EPB41L4A: variants seen among roughly 807,000 people sequenced by gnomAD.
EPB41L4A encodes band 4.1-like protein 4A.
A neutral mutation model predicts 108.6 loss-of-function variants in EPB41L4A; 100 were observed. That is an observed-to-expected ratio of 0.92 (90% CI 0.78 to 1.09). The LOEUF is 1.09. Ranked by LOEUF, EPB41L4A falls within the 50% of genes least tolerant of loss-of-function variation. EPB41L4A has a pLI of 0.00. For synonymous variants in EPB41L4A, 319 were observed against 289.0 expected, an observed-to-expected ratio of 1.10 and a Z score of -1.05; for missense variants, 1,030 against 842.7, an observed-to-expected ratio of 1.22 and a Z score of -2.75.
chr5:112,214,642 T>G (rs1023497061), intron 12 of EPB41L4A, among the ~76,000 whole-genome samples: 1 of 152,150 alleles, frequency 6.6e-6, no homozygotes, highest in Non-Finnish European at 1.5e-5. Context: ...GGTGGGCACC[T>G]GTAGTCCCAG....
intron 1 of EPB41L4A, among the ~76,000 whole-genome samples, chr5:112,385,149 G>A (rs988757024): frequency 3.9e-5 from 6 of 152,180 alleles, no homozygotes; most frequent in Non-Finnish European, 7.3e-5. Flanking sequence ...GCCTGACAAT[G>A]TGACCCCGAT....
At chr5:112,154,350 T>C (rs1011347840) in intron 12 of EPB41L4A, among the ~76,000 whole-genome samples, 1 of 152,242 alleles carries the variant, frequency 6.6e-6, no homozygotes, top group Non-Finnish European at 1.5e-5. Flanking sequence ...TTCCCACTAC[T>C]TATAAATGTA....
intron 12 of EPB41L4A, among the ~76,000 whole-genome samples, chr5:112,156,126 CA>C (rs1759637965): frequency 6.6e-6 from 1 of 151,790 alleles, no homozygotes; most frequent in African/African-American, 2.4e-5. Context: ...AAAAAGAACC[CA>C]TATGTTCATC....
At chr5:112,352,523 A>G (rs1244741804) in intron 1 of EPB41L4A, among the ~76,000 whole-genome samples, 1 of 152,210 alleles carries the variant, frequency 6.6e-6, no homozygotes, top group East Asian at 1.9e-4. Flanking sequence ...TTTGTTCAGG[A>G]TAGACTATAT....
rs1385431054 is a variant in EPB41L4A, at chr5:112,163,154, C to T, written c.*1836G>A. The T allele has an allele frequency of 2.6e-5, 4 of 152,068 alleles. No individual in the cohort carries two copies. Among genetic ancestry groups the T allele is most frequent in the Admixed American group, 2.0e-4 (3 of 15,262 alleles). The allele number at this position is 152,068 out of a possible 1,614,324, so 9.4% of individuals were successfully genotyped here. ...GCTTATTGTTGTCTAGACAAGAGAC[C>T]AGCTTGGACTAGTAAAATTAGTGAA... On this transcript the variant is annotated 3_prime_UTR_variant, in exon 23 of 23. Transcript: ENST00000261486.
Position 112,195,658 on chromosome 5 carries a change from T to A in EPB41L4A, c.1424+3A>T, listed in dbSNP as rs754625424. Reference sequence around the variant, plus strand: ...GACTGTCCTTCCATTTTTGTTTTTTTACCTCCTCCTTTGCTTAAGATCTGA... The same window carrying A: ...GACTGTCCTTCCATTTTTGTTTTTTAACCTCCTCCTTTGCTTAAGATCTGA... On this transcript the variant is annotated splice_donor_region_variant and intron_variant, in intron 16 of 22. Transcript: ENST00000261486. 9 of 1,613,110 alleles carry A rather than the reference T, an allele frequency of 5.6e-6. No homozygotes were observed. The South Asian group carries it at 9.9e-5, about 18-fold the overall frequency.
intron 1 of EPB41L4A, among the ~76,000 whole-genome samples, chr5:112,399,198 G>T (rs913489676): frequency 2.0e-5 from 3 of 151,384 alleles, no homozygotes; most frequent in Non-Finnish European, 4.4e-5. Flanking sequence ...GCCACACTGG[G>T]TTCTTTCTGT....
intron 1 of EPB41L4A, among the ~76,000 whole-genome samples, chr5:112,417,559 T>C (rs1351744902): frequency 6.6e-6 from 1 of 152,232 alleles, no homozygotes; most frequent in Non-Finnish European, 1.5e-5. Flanking sequence ...TAAGTTACAA[T>C]ATTTTCCTGA....
chr5:112,220,056 TC>T (rs1747939842), intron 12 of EPB41L4A, among the ~76,000 whole-genome samples: 1 of 152,340 alleles, frequency 6.6e-6, no homozygotes, highest in Admixed American at 6.5e-5. Context: ...ATTACATGTA[TC>T]AAATCTATTT....
intron 17 of EPB41L4A, among the ~76,000 whole-genome samples, chr5:112,193,414 G>C (rs1761805124): frequency 9.2e-5 from 14 of 152,076 alleles, no homozygotes; most frequent in Admixed American, 9.2e-4. Context: ...CGATTCTCCT[G>C]CCTCTGCCTC....
chr5:112,175,482 T>C (rs1477846259), intron 18 of EPB41L4A: 2 of 152,216 alleles, frequency 1.3e-5, no homozygotes, highest in African/African-American at 4.8e-5. Context: ...AATAATGAAT[T>C]GATTTTCTAG....
rs538119331 is a variant in EPB41L4A at position 112,187,062 on chromosome 5, A to G, written c.1503-2927T>C. ...TTTTAATCTCGATGTATAGATTTACATCATGAAGAATAAAATACCACAAAC... is the reference window on the plus strand; with the variant it reads ...TTTTAATCTCGATGTATAGATTTACGTCATGAAGAATAAAATACCACAAAC... On this transcript the variant is annotated intron_variant, in intron 17 of 22. Coordinates refer to ENST00000261486, the MANE Select transcript of EPB41L4A (RefSeq NM_022140.5). 2.6e-5 allele frequency among the ~76,000 whole-genome samples: 4 copies of G among 152,360 alleles called. No homozygotes were observed. The South Asian group carries it at 8.3e-4, about 32-fold the overall frequency.
chr5:112,305,599 T>C lies in EPB41L4A; in HGVS notation c.204+1787A>G, dbSNP rs139981662. ...GCTTCTAATATACTTTTGATAAAAC[T>C]GTTACCAAGATGAAGTACAAAATTT... On this transcript the variant is annotated intron_variant, in intron 2 of 22. Transcript: ENST00000261486. 7.1e-3 allele frequency among the ~76,000 whole-genome samples: 1,082 copies of C among 152,290 alleles called. 7 individuals are homozygous for C. The highest frequency in any genetic ancestry group is 0.025 in the African/African-American group (1,039 of 41,562).
At chr5:112,409,394 A>T (rs1580854560) in intron 1 of EPB41L4A, among the ~76,000 whole-genome samples, 1 of 152,182 alleles carries the variant, frequency 6.6e-6, no homozygotes, top group African/African-American at 2.4e-5. Flanking sequence ...CGAAAATCTT[A>T]TAAAATTGAT....
At position 112,264,885 on chromosome 5, in the gene EPB41L4A, A is replaced by C. The variant is rs750239537; in HGVS notation, c.554+11T>G. ...GGATGATGCAATAAGACATGGTGTA[A>C]TGATTCTTACATTAGAGTTTTATGA... On this transcript the variant is annotated intron_variant, in intron 6 of 22. Transcript: ENST00000261486. 5.6e-6 allele frequency: 9 copies of C among 1,606,828 alleles called. No individual in the cohort carries two copies. Among genetic ancestry groups the C allele is most frequent in the Non-Finnish European group, 7.6e-6 (9 of 1,178,108 alleles).
intron 1 of EPB41L4A, among the ~76,000 whole-genome samples, chr5:112,348,551 G>C (rs777288852): frequency 7.1e-4 from 108 of 152,302 alleles, no homozygotes; most frequent in Non-Finnish European, 1.2e-3. Context: ...TCACACTGCA[G>C]GGGAAGGGGA....
intron 16 of EPB41L4A, 42 bp downstream of exon 16, chr5:112,195,619 C>T (rs1056047753): frequency 6.6e-7 from 1 of 1,522,096 alleles, no homozygotes. Flanking sequence ...AATCTGCTAA[C>T]CCTTCTTCCC....
intron 1 of EPB41L4A, among the ~76,000 whole-genome samples, chr5:112,386,763 GA>G (rs1325852805): frequency 6.6e-6 from 1 of 152,118 alleles, no homozygotes; most frequent in East Asian, 1.9e-4. Flanking sequence ...TTAGAGTAAA[GA>G]AAGATACTAT....
At chr5:112,357,073 G>C (rs941322719) in intron 1 of EPB41L4A, among the ~76,000 whole-genome samples, 7 of 152,264 alleles carry the variant, frequency 4.6e-5, no homozygotes, top group Middle Eastern at 3.4e-3. Context: ...AAGATAGACT[G>C]CAGCACAAAC....
Sources: allele counts gnomAD v4.1 joint callset (sites outside exome capture counted in the v4.1 genomes callset), GRCh38; gene constraint gnomAD v4.1.1; transcripts MANE v1.5; gene names NCBI Gene and HGNC (gene_info 2026-07-23, HGNC 2026-07-21).